The following HSPG2 variants were observed in gnomAD, a reference collection of about 807,000 sequenced individuals.
HSPG2 encodes the protein heparan sulfate proteoglycan 2.
A neutral mutation model predicts 526.6 loss-of-function variants in HSPG2; 278 were observed. The ratio of observed to expected loss-of-function variants is 0.53; its 90% CI spans 0.48 to 0.58. The LOEUF (loss-of-function observed/expected upper bound fraction) is 0.58, where lower values mean the gene tolerates loss of function less well. Among genes scored for constraint, HSPG2 ranks in the 20% least tolerant of loss-of-function variants. The pLI, the probability that HSPG2 is intolerant of heterozygous loss-of-function variation, is 0.00. For missense variants in HSPG2, 5,354 were observed against 6,099.5 expected, an observed-to-expected ratio of 0.88 and a Z score of 4.07; for synonymous variants, 2,465 against 2,555.4, an observed-to-expected ratio of 0.96 and a Z score of 1.07.
At chr1:21,903,311 G>C (rs1323610723) in intron 1 of HSPG2, among the ~76,000 whole-genome samples, 1 of 152,180 alleles carries the variant, frequency 6.6e-6, no homozygotes, top group Non-Finnish European at 1.5e-5. Context: ...TATGAAATGG[G>C]AGCAAAAGGC....
Position 21,839,919 on chromosome 1 carries a change from C to G in HSPG2, c.9612G>C (p.Thr3204=), listed in dbSNP as rs767083077. 1 of 1,614,176 alleles carries G rather than the reference C, an allele frequency of 6.2e-7. No individual in the cohort carries two copies. The highest frequency in any genetic ancestry group is 8.5e-7 in the Non-Finnish European group (1 of 1,180,014). The change falls in exon 72 of 97, where the codon ACG becomes ACC. Residue 3204 remains threonine (T), a synonymous_variant. Coordinates refer to ENST00000374695, the MANE Select transcript of HSPG2 (RefSeq NM_005529.7). This position sits in a 1 kb window ranked among gnomAD's most constrained non-coding sequence, Gnocchi z 4.5. ...AQKQVEVIVD[T]GAMAPGAPQV... is the part of the protein sequence containing the mutation. ...GAGGGGCCCCTGGGGCCATGGCGCC[C>G]GTGTCCACGATCACCTCCACCTGCT...
chr1:21,890,106 A>T lies in HSPG2; in HGVS notation c.449T>A (p.Val150Glu), dbSNP rs1270390960. The T allele has an allele frequency of 9.3e-6, 15 of 1,613,968 alleles. No individual in the cohort carries two copies. The highest frequency in any genetic ancestry group is 1.2e-5 in the Non-Finnish European group (14 of 1,179,970). Residue 150 changes from valine (V) to glutamate (E), a missense_variant, in exon 6 of 97, where the codon GTG (valine) becomes GAG (glutamate). By Grantham distance (121) the Val-to-Glu change is moderately radical. Transcript: ENST00000374695. The surrounding 1 kb of genome is among the most constrained non-coding windows in gnomAD (Gnocchi z 4.1). ...LDGWVFVELDVGSEGNADGAQ... is the reference protein window; with the variant it reads ...LDGWVFVELDEGSEGNADGAQ... ...CCCATCCGCATTCCCTTCCGAGCCCACATCCAGCTCCACAAAAACCCAGCC... is the reference window on the plus strand; with the variant it reads ...CCCATCCGCATTCCCTTCCGAGCCCTCATCCAGCTCCACAAAAACCCAGCC...
intron 71 of HSPG2, among the ~76,000 whole-genome samples, 160 bp downstream of exon 71, chr1:21,840,941 T>C (rs1459112434): frequency 6.6e-6 from 1 of 152,130 alleles, no homozygotes; most frequent in Non-Finnish European, 1.5e-5. Context: ...CCCTCTCATC[T>C]TCCAGTCTAT....
intron 9 of HSPG2, among the ~76,000 whole-genome samples, chr1:21,886,972 A>G (rs2152762024): frequency 6.6e-6 from 1 of 152,332 alleles, no homozygotes; most frequent in East Asian, 1.9e-4. Flanking sequence ...GGCTAACCAC[A>G]CAGCTTCACC....
rs1264764115 is a variant in HSPG2, at chr1:21,848,862, C to T, written c.7585+31G>A. The T allele has an allele frequency of 6.2e-7, 1 of 1,611,680 alleles. No individual in the cohort carries two copies. The highest frequency in any genetic ancestry group is 2.2e-5 in the East Asian group (1 of 44,744). ...GGTGCAGTCGGGGTCCCCCAGCCCT[C>T]CACCATTTGCATGACCCCCGAGACA... On this transcript the variant is annotated intron_variant, in intron 58 of 96. Transcript: ENST00000374695. This position sits in a 1 kb window ranked among gnomAD's most constrained non-coding sequence, Gnocchi z 4.9.
At position 21,833,246 on chromosome 1, in the gene HSPG2, G is replaced by A. The variant is rs192141248; in HGVS notation, c.11095+22C>T. On this transcript the variant is annotated intron_variant, in intron 80 of 96. Transcript: ENST00000374695. ...CCCTCAACCCAGGCCAGCCCACCCC[G>A]CAAATTAACCCTCCTGCTCACCATC... 2.7e-5 allele frequency: 44 copies of A among 1,600,846 alleles called. No individual in the cohort carries two copies. The East Asian group carries it at 7.6e-4, about 28-fold the overall frequency.
Position 21,824,317 on chromosome 1 carries a change from G to T in HSPG2, c.12804C>A (p.His4268Gln). The T allele has an allele frequency of 6.2e-7, 1 of 1,613,898 alleles. No individual in the cohort carries two copies. ...GTGCCAGGACCTACCTGAAGACAAG[G>T]TGCCCGTCTTGAAGCCCGAGGCTGA... ...DFISLGLQDG[H>Q]LVFRYQLGSG... The change falls in exon 94 of 97, where the codon CAC becomes CAA. Residue 4268 changes from histidine (H) to glutamine (Q), a missense_variant. Coordinates refer to ENST00000374695, the MANE Select transcript of HSPG2 (RefSeq NM_005529.7). This position sits in a 1 kb window ranked among gnomAD's most constrained non-coding sequence, Gnocchi z 5.9.
intron 33 of HSPG2, among the ~76,000 whole-genome samples, chr1:21,868,044 T>C (rs1352826635): frequency 2.0e-5 from 3 of 151,584 alleles, no homozygotes; most frequent in Non-Finnish European, 4.4e-5. Context: ...AGCTGAATTT[T>C]TTTTTTTTCT....
intron 16 of HSPG2, 51 bp from the exon 17 acceptor site, chr1:21,880,305 G>A (rs754307039): frequency 8.7e-6 from 14 of 1,613,812 alleles, no homozygotes; most frequent in South Asian, 1.1e-5. Flanking sequence ...AGGCCCTGCC[G>A]TTTCTCCTCT....
chr1:21,872,387 G>A lies in HSPG2; in HGVS notation c.4030-10C>T. The A allele has an allele frequency of 1.3e-6, 2 of 1,558,812 alleles. No individual in the cohort carries two copies. Among genetic ancestry groups the A allele is most frequent in the Non-Finnish European group, 1.7e-6 (2 of 1,150,126 alleles). On this transcript the variant is annotated splice_polypyrimidine_tract_variant and intron_variant, in intron 32 of 96. Coordinates refer to ENST00000374695, the MANE Select transcript of HSPG2 (RefSeq NM_005529.7). The surrounding 1 kb of genome is among the most constrained non-coding windows in gnomAD (Gnocchi z 5.5). ...CAAAGTGGGTGGAGATCTGGCAGGG[G>A]AAAAAGGAGGGGGCGTCAGCCTGAG...
At position 21,887,643 on chromosome 1, in the gene HSPG2, G is replaced by A. The variant is rs1192706515; in HGVS notation, c.735C>T (p.Phe245=). ...AAGATGTCGTCTCCACAAGGAGAGA[G>A]AATGTGGGGCTGATACCCAGGACTG... is the stretch of plus-strand genomic sequence containing the variant. The part of the protein sequence containing the change: ...EEPVLGISPT[F]SLLVETTSLP... Residue 245 remains phenylalanine (F), a synonymous_variant, in exon 8 of 97, where the codon TTC becomes TTT. Transcript: ENST00000374695. The surrounding 1 kb of genome is among the most constrained non-coding windows in gnomAD (Gnocchi z 5.0). 6.2e-7 allele frequency: 1 copy of A among 1,613,996 alleles called. No homozygotes were observed. The highest frequency in any genetic ancestry group is 8.5e-7 in the Non-Finnish European group (1 of 1,180,016).
chr1:21,914,299 T>A (rs1339927964), intron 1 of HSPG2, among the ~76,000 whole-genome samples: 1 of 152,038 alleles, frequency 6.6e-6, no homozygotes, highest in East Asian at 1.9e-4. Flanking sequence ...TCCCTGGGTA[T>A]GGAGGGTGAT....
In HSPG2 at chr1:21,864,971, C is replaced by T. The variant is rs376611705; in HGVS notation, c.4498G>A (p.Val1500Met). 1.9e-5 allele frequency: 30 copies of T among 1,593,874 alleles called. 1 individual carries two copies. The highest frequency in any genetic ancestry group is 1.2e-4 in the South Asian group (11 of 88,456). Reference protein sequence around the residue: ...ELLIRATFSSVPLAASISAVS... With the variant: ...ELLIRATFSSMPLAASISAVS... ...GCGCTGATGCTGGCCGCCAGCGGCA[C>T]GGAGGAGAACGTGGCCCGGATCAGG... is the stretch of plus-strand genomic sequence containing the variant. Residue 1500 changes from valine (V) to methionine (M), a missense_variant, in exon 36 of 97, where the codon GTG (valine) becomes ATG (methionine). Coordinates refer to ENST00000374695, the MANE Select transcript of HSPG2 (RefSeq NM_005529.7). The surrounding 1 kb of genome is among the most constrained non-coding windows in gnomAD (Gnocchi z 4.8).
Position 21,876,655 on chromosome 1 carries a change from G to A in HSPG2, c.2686-3C>T. Reference sequence around the variant, plus strand: ...CACAAGCGCCCCACCACATTGTTCTGCAGGCACAGAGTTGGAGCTGAAGGA... The same window carrying A: ...CACAAGCGCCCCACCACATTGTTCTACAGGCACAGAGTTGGAGCTGAAGGA... On this transcript the variant is annotated splice_polypyrimidine_tract_variant and splice_region_variant and intron_variant, in intron 21 of 96. Transcript: ENST00000374695. The A allele has an allele frequency of 6.2e-7, 1 of 1,614,200 alleles. No individual in the cohort carries two copies. The highest frequency in any genetic ancestry group is 8.5e-7 in the Non-Finnish European group (1 of 1,180,028).
At chr1:21,899,511 G>A (rs1377247209) in intron 1 of HSPG2, among the ~76,000 whole-genome samples, 2 of 152,144 alleles carry the variant, frequency 1.3e-5, no homozygotes, top group African/African-American at 2.4e-5. Flanking sequence ...CAGGTTACCC[G>A]TGGAAACTGG....
chr1:21,852,574 G>T, intron 52 of HSPG2, 126 bp downstream of exon 52: 1 of 1,342,372 alleles, frequency 7.4e-7, no homozygotes, highest in Admixed American at 1.7e-5. Context: ...GTCGGCCTGG[G>T]CAGGGCCCTG....
chr1:21,839,182 C>A lies in HSPG2; in HGVS notation c.9890-97G>T. 6.7e-7 allele frequency: 1 copy of A among 1,498,142 alleles called. No individual in the cohort carries two copies. The allele number at this position is 1,498,142 out of a possible 1,614,324, so 92.8% of individuals were successfully genotyped here. A position where few individuals can be genotyped will look rare whatever the true frequency, so the allele number is the denominator to read the frequency against. ...GTGTCCAGGGAAGCTGAATGGTGAG[C>A]CCAGAGGACTGGGGATAAGGAAAGC... On this transcript the variant is annotated intron_variant, in intron 73 of 96. Transcript: ENST00000374695. This position sits in a 1 kb window ranked among gnomAD's most constrained non-coding sequence, Gnocchi z 4.5.
At position 21,862,091 on chromosome 1, in the gene HSPG2, C is replaced by T. The variant is rs750108837; in HGVS notation, c.4765G>A (p.Glu1589Lys). 3.1e-6 allele frequency: 5 copies of T among 1,613,666 alleles called. No homozygotes were observed. The highest frequency in any genetic ancestry group is 4.2e-6 in the Non-Finnish European group (5 of 1,180,034). The change falls in exon 38 of 97, where the codon GAG becomes AAG. Residue 1589 changes from glutamate to lysine, a missense_variant. Glu to Lys is a moderately conservative substitution (Grantham distance 56). Transcript: ENST00000374695. ...CSQCQHNAAGEFCELCAPGYY... is the reference protein window; with the variant it reads ...CSQCQHNAAGKFCELCAPGYY... ...CCAGGGGCACAAAGCTCGCAGAACT[C>T]CCCTGCGGCGTTGTGCTGGCATTGC... is the stretch of plus-strand genomic sequence containing the variant.
chr1:21,901,736 T>C (rs1034143482), intron 1 of HSPG2, among the ~76,000 whole-genome samples: 2 of 151,954 alleles, frequency 1.3e-5, no homozygotes, highest in Non-Finnish European at 2.9e-5. Context: ...GCTCCAGGCA[T>C]GTGGGGATGG....
Sources: gnomAD v4.1 joint callset for allele counts (sites outside exome capture counted in the v4.1 genomes callset) on GRCh38, gnomAD v4.1.1 for gene constraint, Gnocchi (gnomAD v3.1) non-coding constraint, MANE v1.5 for transcripts, NCBI Gene and HGNC (gene_info 2026-07-23, HGNC 2026-07-21) for gene names.